MBOAT2: variants seen among roughly 807,000 people sequenced by gnomAD.
MBOAT2 encodes the protein membrane bound glycerophospholipid O-acyltransferase 2.
A neutral mutation model predicts 63.4 loss-of-function variants in MBOAT2; 28 were observed. That is an observed-to-expected ratio of 0.44 (90% confidence interval 0.33 to 0.61). The LOEUF is 0.61. MBOAT2 is among the 20% of genes least tolerant of loss of function. MBOAT2 has a pLI of 0.03. For synonymous variants in MBOAT2, 211 were observed against 215.6 expected, an observed-to-expected ratio of 0.98 and a Z score of 0.19; for missense variants, 470 against 605.8, an observed-to-expected ratio of 0.78 and a Z score of 2.35.
intron 8 of MBOAT2, among the ~76,000 whole-genome samples, chr2:8,869,024 A>G (rs1474759190): frequency 6.6e-6 from 1 of 152,158 alleles, no homozygotes; most frequent in Non-Finnish European, 1.5e-5. Context: ...TTGGTTCACC[A>G]GAACCTACTC....
chr2:8,923,306 A>C (rs1401400644), intron 3 of MBOAT2, among the ~76,000 whole-genome samples: 2 of 152,194 alleles, frequency 1.3e-5, no homozygotes, highest in African/African-American at 4.8e-5. Flanking sequence ...ACTCCTACAG[A>C]AAACATTACT....
chr2:8,935,343 C>G (rs1667584260), intron 3 of MBOAT2, among the ~76,000 whole-genome samples: 1 of 152,184 alleles, frequency 6.6e-6, no homozygotes, highest in Non-Finnish European at 1.5e-5. Context: ...TTTGATAGAA[C>G]AGAATACAAC....
chr2:8,963,079 A>T (rs1257563695), intron 1 of MBOAT2, among the ~76,000 whole-genome samples: 1 of 152,032 alleles, frequency 6.6e-6, no homozygotes, highest in Non-Finnish European at 1.5e-5. Context: ...CTCTACAAAA[A>T]AATACAAAAA....
At chr2:8,868,712 T>G (rs1662086084) in intron 8 of MBOAT2, among the ~76,000 whole-genome samples, 163 bp from the exon 9 acceptor site, 1 of 152,160 alleles carries the variant, frequency 6.6e-6, no homozygotes. Context: ...GAAAATAACA[T>G]ATCTAGGACA....
In MBOAT2 at chr2:8,876,184, T is replaced by A. The variant is rs1421888229; in HGVS notation, c.690+846A>T. 3.3e-5 allele frequency among the ~76,000 whole-genome samples: 5 copies of A among 152,344 alleles called. No homozygotes were observed. The South Asian group carries it at 1.0e-3, about 32-fold the overall frequency. On this transcript the variant is annotated intron_variant, in intron 7 of 12. Coordinates refer to ENST00000305997, the MANE Select transcript of MBOAT2 (RefSeq NM_138799.4). Reference sequence around the variant, plus strand: ...CACTGCCTTTCTTTATGAAGCAGCATCCCAGCAATTTCAAGTGCCCCAGTG... The same window carrying A: ...CACTGCCTTTCTTTATGAAGCAGCAACCCAGCAATTTCAAGTGCCCCAGTG...
chr2:8,925,311 C>T (rs1313400885), intron 3 of MBOAT2, among the ~76,000 whole-genome samples: 1 of 152,136 alleles, frequency 6.6e-6, no homozygotes, highest in Non-Finnish European at 1.5e-5. Flanking sequence ...TTCTATTCGA[C>T]TTTGGGAGAA....
chr2:8,875,027 T>G (rs1662605153), intron 7 of MBOAT2, among the ~76,000 whole-genome samples: 1 of 152,198 alleles, frequency 6.6e-6, no homozygotes. Flanking sequence ...ATTTCCACCT[T>G]GTTTAAGTTC....
In MBOAT2 at chr2:8,858,086, G is replaced by C. The variant is rs1371214235; in HGVS notation, c.*593C>G. 6.6e-6 allele frequency: 1 copy of C among 152,622 alleles called. No homozygotes were observed. The highest frequency in any genetic ancestry group is 1.5e-5 in the Non-Finnish European group (1 of 68,044). 9.5% of individuals were successfully genotyped at this position (152,622 alleles called of 1,614,324 possible). A position where few individuals can be genotyped will look rare whatever the true frequency, so the allele number is the denominator to read the frequency against. ...CATTACTGTTTACAGTTTCACTATG[G>C]ATTGTAGTCATTTGACATACTTTAA... On this transcript the variant is annotated 3_prime_UTR_variant, in exon 13 of 13. Transcript: ENST00000305997.
At chr2:8,936,471 C>T (rs7596539) in intron 3 of MBOAT2, among the ~76,000 whole-genome samples, 7,584 of 152,258 alleles carry the variant, frequency 0.05, 354 homozygotes, top group African/African-American at 0.12. Flanking sequence ...ATTGCATTTA[C>T]TTACATCTTT....
intron 3 of MBOAT2, among the ~76,000 whole-genome samples, chr2:8,941,339 A>G (rs1342226011): frequency 6.6e-6 from 1 of 152,246 alleles, no homozygotes; most frequent in Non-Finnish European, 1.5e-5. Context: ...AGCAAGTAGC[A>G]CTATCTCCCT....
At chr2:8,884,784 T>C (rs535601686) in intron 5 of MBOAT2, among the ~76,000 whole-genome samples, 12 of 152,152 alleles carry the variant, frequency 7.9e-5, no homozygotes, top group African/African-American at 1.7e-4. Flanking sequence ...AAGGATAGAG[T>C]TGCATAGAAC....
Position 8,883,761 on chromosome 2 carries a change from T to G in MBOAT2, c.452-1196A>C, listed in dbSNP as rs6736000. Reference sequence around the variant, plus strand: ...CCTAAGGAAATAACTGAAGGTGTGATTCAAGATTTATGACAAGGATCATCA... The same window carrying G: ...CCTAAGGAAATAACTGAAGGTGTGAGTCAAGATTTATGACAAGGATCATCA... On this transcript the variant is annotated intron_variant, in intron 5 of 12. Transcript: ENST00000305997. Among the ~76,000 whole-genome samples the G allele has an allele frequency of 5.2e-3, 793 of 152,290 alleles. 8 individuals are homozygous for G. The highest frequency in any genetic ancestry group is 0.018 in the African/African-American group (768 of 41,558).
At chr2:8,868,767 G>A (rs1011333636) in intron 8 of MBOAT2, among the ~76,000 whole-genome samples, 7 of 152,208 alleles carry the variant, frequency 4.6e-5, no homozygotes, top group Non-Finnish European at 8.8e-5. Flanking sequence ...ATGAGTTGGG[G>A]GCGGGTAGAG....
At chr2:8,880,136 C>T (rs1337088848) in intron 6 of MBOAT2, among the ~76,000 whole-genome samples, 1 of 151,938 alleles carries the variant, frequency 6.6e-6, no homozygotes, top group Non-Finnish European at 1.5e-5. Flanking sequence ...TCCCTGGCTG[C>T]TAGCTGAAAA....
chr2:8,941,793 C>T (rs562287755), intron 3 of MBOAT2, among the ~76,000 whole-genome samples: 2 of 152,266 alleles, frequency 1.3e-5, no homozygotes, highest in South Asian at 2.1e-4. Context: ...ACAAAGTTAA[C>T]TTCACCGACT....
chr2:8,922,759 T>G (rs1558618444), intron 3 of MBOAT2, among the ~76,000 whole-genome samples: 1 of 152,234 alleles, frequency 6.6e-6, no homozygotes, highest in Non-Finnish European at 1.5e-5. Context: ...TGTGCTGAGA[T>G]GCAGCCTCCA....
In MBOAT2 at chr2:9,003,307, G is replaced by C. The variant is rs1260594525; in HGVS notation, c.75+233C>G. Among the ~76,000 whole-genome samples the C allele has an allele frequency of 6.6e-6, 1 of 152,082 alleles. No homozygotes were observed. Among genetic ancestry groups the C allele is most frequent in the African/African-American group, 2.4e-5 (1 of 41,438 alleles). Reference sequence around the variant, plus strand: ...GGGGCTGTCGCCGGCAACAACGCCCGGCCCACCTCCCGCTCGGCCCGGGGA... The same window carrying C: ...GGGGCTGTCGCCGGCAACAACGCCCCGCCCACCTCCCGCTCGGCCCGGGGA... On this transcript the variant is annotated intron_variant, in intron 1 of 12. Coordinates refer to ENST00000305997, the MANE Select transcript of MBOAT2 (RefSeq NM_138799.4). This position sits in a 1 kb window ranked among gnomAD's most constrained non-coding sequence, Gnocchi z 5.4.
In MBOAT2 at chr2:8,862,240, C is replaced by A. The variant is rs1661545629; in HGVS notation, c.1185+350G>T. 8.1e-7 allele frequency: 1 copy of A among 1,235,742 alleles called. No homozygotes were observed. Among genetic ancestry groups the A allele is most frequent in the South Asian group, 1.4e-5 (1 of 73,740 alleles). The allele number at this position is 1,235,742 out of a possible 1,614,324, so 76.5% of individuals were successfully genotyped here. ...CTGAGAGAGGACTCAAAGGTTACAGCTTTCAGGAAACATTTCTAAAATAAA... is the reference window on the plus strand; with the variant it reads ...CTGAGAGAGGACTCAAAGGTTACAGATTTCAGGAAACATTTCTAAAATAAA... On this transcript the variant is annotated intron_variant, in intron 11 of 12. Coordinates refer to ENST00000305997, the MANE Select transcript of MBOAT2 (RefSeq NM_138799.4). This position sits in a 1 kb window ranked among gnomAD's most constrained non-coding sequence, Gnocchi z 4.3.
chr2:8,948,437 C>A (rs1337518332), intron 2 of MBOAT2, among the ~76,000 whole-genome samples: 3 of 152,268 alleles, frequency 2.0e-5, no homozygotes, highest in African/African-American at 7.2e-5. Flanking sequence ...GATCCCCTCA[C>A]CCAGGTACTG....
Sources: gnomAD v4.1 joint callset for allele counts (sites outside exome capture counted in the v4.1 genomes callset) on GRCh38, gnomAD v4.1.1 for gene constraint, Gnocchi (gnomAD v3.1) non-coding constraint, MANE v1.5 for transcripts, NCBI Gene and HGNC (gene_info 2026-07-23, HGNC 2026-07-21) for gene names.